FBXO36: variants seen among roughly 807,000 people sequenced by gnomAD.
FBXO36 encodes the protein F-box protein 36.
In FBXO36, 18 loss-of-function variants were observed where a neutral mutation model predicts 17.0. The ratio of observed to expected loss-of-function variants is 1.06; its 90% CI spans 0.73 to 1.57. The LOEUF (loss-of-function observed/expected upper bound fraction) is 1.57. Ranked by LOEUF, FBXO36 falls within the 40% of genes most tolerant of loss-of-function variation. The pLI is 0.00. For synonymous variants in FBXO36, 83 were observed against 85.3 expected, an observed-to-expected ratio of 0.97 and a Z score of 0.15; for missense variants, 229 against 221.9, an observed-to-expected ratio of 1.03 and a Z score of -0.20.
At chr2:229,945,825 C>G (rs553591634) in intron 1 of FBXO36, among the ~76,000 whole-genome samples, 1 of 151,598 alleles carries the variant, frequency 6.6e-6, no homozygotes, top group South Asian at 2.1e-4. Flanking sequence ...GAGTTTGAGA[C>G]CAGCCTGGCC....
chr2:229,936,573 A>C (rs1453617003), intron 1 of FBXO36, among the ~76,000 whole-genome samples: 1 of 152,200 alleles, frequency 6.6e-6, no homozygotes, highest in Non-Finnish European at 1.5e-5. Flanking sequence ...TACTGTGATA[A>C]AAAGAAAACT....
chr2:229,932,418 G>A (rs1425525857), intron 1 of FBXO36, among the ~76,000 whole-genome samples: 1 of 152,130 alleles, frequency 6.6e-6, no homozygotes, highest in Non-Finnish European at 1.5e-5. Context: ...TACTCAGAGG[G>A]CTGAGGCAGG....
intron 2 of FBXO36, among the ~76,000 whole-genome samples, chr2:229,990,506 T>TA (rs1419305812): frequency 6.6e-6 from 1 of 152,066 alleles, no homozygotes; most frequent in Non-Finnish European, 1.5e-5. Context: ...GATGGTTATC[T>TA]AAAAAAATAC....
At chr2:229,977,132 C>G (rs1020632999) in intron 2 of FBXO36, 1 of 152,028 alleles carries the variant, frequency 6.6e-6, no homozygotes, top group Non-Finnish European at 1.5e-5. Flanking sequence ...TCCTATGCTA[C>G]AACCATCTAT....
intron 1 of FBXO36, among the ~76,000 whole-genome samples, chr2:229,941,600 C>T (rs959891126): frequency 8.1e-5 from 11 of 136,130 alleles, no homozygotes; most frequent in African/African-American, 1.9e-4. Flanking sequence ...CCAGGAGAGG[C>T]GAAAAAAAAA....
chr2:229,990,287 A>C (rs1175078268), intron 2 of FBXO36, among the ~76,000 whole-genome samples: 3 of 150,098 alleles, frequency 2.0e-5, no homozygotes, highest in Admixed American at 1.3e-4. Context: ...ATATATATAC[A>C]TATTAGAGCA....
chr2:229,938,168 AGATGGCGT>A (rs2076975351), intron 1 of FBXO36, among the ~76,000 whole-genome samples: 1 of 145,238 alleles, frequency 6.9e-6, no homozygotes, highest in African/African-American at 2.5e-5. Flanking sequence ...GGGGTTGTAG[AGATGGCGT>A]GAGCCACCGC....
chr2:229,977,384 ATTATT>A (rs967758768), intron 2 of FBXO36, among the ~76,000 whole-genome samples: 3 of 152,170 alleles, frequency 2.0e-5, no homozygotes, highest in African/African-American at 7.2e-5. Context: ...TTCCCAATTA[ATTATT>A]TTAACACTTC....
intron 2 of FBXO36, among the ~76,000 whole-genome samples, chr2:229,993,869 C>G (rs2077311099): frequency 1.3e-5 from 2 of 152,090 alleles, no homozygotes; most frequent in African/African-American, 4.8e-5. Flanking sequence ...CATTCTCCCG[C>G]CTCAGCCTCC....
intron 1 of FBXO36, among the ~76,000 whole-genome samples, chr2:229,968,036 G>C (rs1011555991): frequency 2.6e-5 from 4 of 152,048 alleles, no homozygotes; most frequent in African/African-American, 9.7e-5. Context: ...AAGCTATTAA[G>C]TATTGCCTCA....
At chr2:229,999,124 AT>A (rs1178050342) in intron 3 of FBXO36, among the ~76,000 whole-genome samples, 1,960 of 108,010 alleles carry the variant, frequency 0.018, 44 homozygotes, top group African/African-American at 0.06. Context: ...AAGTAATGTA[AT>A]TTTTTTTTTT....
At chr2:230,001,841 A>T (rs1453354420) in intron 3 of FBXO36, among the ~76,000 whole-genome samples, 2 of 151,806 alleles carry the variant, frequency 1.3e-5, no homozygotes, top group African/African-American at 4.8e-5. Context: ...TTTTTAAGAG[A>T]CAAAGTCACT....
intron 2 of FBXO36, among the ~76,000 whole-genome samples, chr2:229,982,171 G>A (rs2077243876): frequency 3.3e-5 from 5 of 151,906 alleles, no homozygotes; most frequent in Admixed American, 3.3e-4. Context: ...CTACAGGCAT[G>A]TGCCACCATG....
intron 1 of FBXO36, among the ~76,000 whole-genome samples, chr2:229,922,972 T>C (rs1465562705): frequency 3.3e-5 from 5 of 152,202 alleles, no homozygotes; most frequent in Non-Finnish European, 7.3e-5. Flanking sequence ...AAAGAACGAC[T>C]CAGCCAAGTG....
intron 1 of FBXO36, among the ~76,000 whole-genome samples, chr2:229,940,469 C>T (rs1450831766): frequency 2.6e-5 from 4 of 152,114 alleles, no homozygotes; most frequent in South Asian, 2.1e-4. Flanking sequence ...GGCTGTATAA[C>T]CCGTGTACAT....
chr2:230,010,802 T>C lies in FBXO36; in HGVS notation c.485T>C (p.Phe162Ser), dbSNP rs1365173900. 1.2e-6 allele frequency: 2 copies of C among 1,613,946 alleles called. No homozygotes were observed. The highest frequency in any genetic ancestry group is 3.3e-5 in the Admixed American group (2 of 59,998). ...LAEDTGWRQL[F>S]FTNKLQLQRQ... ...GAGGACACAGGCTGGAGACAGCTGT[T>C]CTTCACCAACAAGCTCCAGCTCCAG... is the stretch of plus-strand genomic sequence containing the variant. Residue 162 changes from phenylalanine to serine, a missense_variant, in exon 4 of 4, where the codon TTC becomes TCC. Coordinates refer to ENST00000283946, the MANE Select transcript of FBXO36 (RefSeq NM_174899.5).
intron 3 of FBXO36, among the ~76,000 whole-genome samples, chr2:230,005,382 T>C (rs1484623266): frequency 1.3e-5 from 2 of 152,122 alleles, no homozygotes; most frequent in East Asian, 1.9e-4. Flanking sequence ...ATTACAGGTG[T>C]GAGCCACCAC....
At chr2:229,961,982 A>G (rs558745109) in intron 1 of FBXO36, among the ~76,000 whole-genome samples, 3 of 152,104 alleles carry the variant, frequency 2.0e-5, no homozygotes, top group Admixed American at 2.0e-4. Context: ...GGAGTTTGAG[A>G]CCAGCCTGGC....
At position 229,922,557 on chromosome 2, in the gene FBXO36, A is replaced by G; in HGVS notation, c.44A>G (p.Gln15Arg). ...LPETLFETVG[Q>R]GPPPSKDYYQ... ...GAGACTCTCTTTGAAACTGTAGGAC[A>G]AGGCCCGCCGCCTAGCAAAGACTAT... Residue 15 changes from glutamine (Q) to arginine (R), a missense_variant, in exon 1 of 4, where the codon CAA becomes CGA. Coordinates refer to ENST00000283946, the MANE Select transcript of FBXO36 (RefSeq NM_174899.5). The G allele has an allele frequency of 6.2e-7, 1 of 1,614,018 alleles. No individual in the cohort carries two copies. The highest frequency in any genetic ancestry group is 8.5e-7 in the Non-Finnish European group (1 of 1,179,992).
Sources: allele counts gnomAD v4.1 joint callset (sites outside exome capture counted in the v4.1 genomes callset), GRCh38; gene constraint gnomAD v4.1.1; transcripts MANE v1.5; gene names NCBI Gene and HGNC (gene_info 2026-07-23, HGNC 2026-07-21).